WFDC10B: variants seen among roughly 807,000 people sequenced by gnomAD.
WFDC10B encodes protein WFDC10B.
In WFDC10B, 1 loss-of-function variant was observed where a neutral mutation model predicts 2.7. The ratio of observed to expected loss-of-function variants is 0.38; its 90% CI spans 0.13 to 1.79. The LOEUF is 1.79. Among genes scored for constraint, WFDC10B ranks in the 40% most tolerant of loss-of-function variants. The pLI, the probability that WFDC10B is intolerant of heterozygous loss-of-function variation, is 0.33. For missense variants in WFDC10B, 71 were observed against 87.8 expected (o/e 0.81, Z 0.76); for synonymous variants, 26 against 32.2 (o/e 0.81, Z 0.65).
chr20:45,694,074 T>G (rs561633246), intron 2 of WFDC10B, among the ~76,000 whole-genome samples: 100 of 152,376 alleles, frequency 6.6e-4, no homozygotes, highest in Non-Finnish European at 1.3e-3. Flanking sequence ...TCTCCCATTT[T>G]GTAGGTTGTC....
At chr20:45,686,347 A>C (rs887666538) in intron 2 of WFDC10B, among the ~76,000 whole-genome samples, 6 of 152,240 alleles carry the variant, frequency 3.9e-5, no homozygotes, top group Admixed American at 1.3e-4. Flanking sequence ...ATAATTTTTT[A>C]AAAGGTGCTT....
chr20:45,703,082 G>A (rs1984231918), intron 2 of WFDC10B, among the ~76,000 whole-genome samples: 1 of 152,172 alleles, frequency 6.6e-6, no homozygotes, highest in African/African-American at 2.4e-5. Flanking sequence ...TTTGAGGAAA[G>A]GCACAAAGAG....
Position 45,684,929 on chromosome 20 carries a change from T to A in WFDC10B, c.123A>T (p.Ile41=). The change falls in exon 4 of 4, where the codon ATA becomes ATT. Residue 41 remains isoleucine, a synonymous_variant. Coordinates refer to ENST00000330523, the MANE Select transcript of WFDC10B (RefSeq NM_172006.2). ...RIKVCEKRPS[I]DLCIHHCSYF... ...ATGAACAGTGGTGGATGCATAGATC[T>A]ATGCTGGGTCGCTTCTCACAGACCT... 1 of 1,613,986 alleles carries A rather than the reference T, an allele frequency of 6.2e-7. No homozygotes were observed. The highest frequency in any genetic ancestry group is 8.5e-7 in the Non-Finnish European group (1 of 1,179,940).
At chr20:45,690,707 G>T (rs1983784842) in intron 2 of WFDC10B, among the ~76,000 whole-genome samples, 1 of 151,708 alleles carries the variant, frequency 6.6e-6, no homozygotes, top group Non-Finnish European at 1.5e-5. Flanking sequence ...ATTTTTTATT[G>T]CATCTATTTG....
At chr20:45,692,394 T>C (rs1983843019) in intron 2 of WFDC10B, among the ~76,000 whole-genome samples, 1 of 152,088 alleles carries the variant, frequency 6.6e-6, no homozygotes, top group Non-Finnish European at 1.5e-5. Flanking sequence ...CCTTGCTAGA[T>C]TGGGGAAGTT....
chr20:45,701,881 A>C, intron 2 of WFDC10B: 1 of 473,016 alleles, frequency 2.1e-6, no homozygotes, highest in Non-Finnish European at 3.8e-6. Context: ...TACAGATGAA[A>C]GAGATAGCAA....
chr20:45,694,606 T>G lies in WFDC10B; in HGVS notation c.-64-8550A>C, dbSNP rs555976664. Among the ~76,000 whole-genome samples the G allele has an allele frequency of 1.2e-3, 185 of 152,294 alleles. 6 individuals carry two copies. Among genetic ancestry groups the G allele is most frequent in the Admixed American group, 0.012 (184 of 15,296 alleles). ...GAGAGTTCAATATCCCACCATGGCA[T>G]CATAAGAAATATATTTGGTCTTTGT... is the stretch of plus-strand genomic sequence containing the variant. On this transcript the variant is annotated intron_variant, in intron 2 of 3. Coordinates refer to ENST00000330523, the MANE Select transcript of WFDC10B (RefSeq NM_172006.2).
At chr20:45,687,602 G>A (rs1294949817) in intron 2 of WFDC10B, among the ~76,000 whole-genome samples, 1 of 152,098 alleles carries the variant, frequency 6.6e-6, no homozygotes, top group Non-Finnish European at 1.5e-5. Flanking sequence ...CTTCCACAAT[G>A]GTTGAACTAA....
rs755982722 is a variant in WFDC10B at position 45,704,484 on chromosome 20, A to G, written c.-65+13T>C. 1 of 1,614,136 alleles carries G rather than the reference A, an allele frequency of 6.2e-7. No homozygotes were observed. Among genetic ancestry groups the G allele is most frequent in the East Asian group, 2.2e-5 (1 of 44,872 alleles). ...CTCCACCCTGCATATCAGCACCTGAAAACTGTACTCACCTGTGTACAATGC... is the reference window on the plus strand; with the variant it reads ...CTCCACCCTGCATATCAGCACCTGAGAACTGTACTCACCTGTGTACAATGC... On this transcript the variant is annotated intron_variant, in intron 2 of 3. Transcript: ENST00000330523.
intron 2 of WFDC10B, among the ~76,000 whole-genome samples, chr20:45,698,428 C>T (rs1231385082): frequency 6.6e-6 from 1 of 151,852 alleles, no homozygotes; most frequent in African/African-American, 2.4e-5. Flanking sequence ...AAAAAAAAAT[C>T]GGACTTCATC....
chr20:45,698,217 C>A (rs1984037664), intron 2 of WFDC10B, among the ~76,000 whole-genome samples: 1 of 152,196 alleles, frequency 6.6e-6, no homozygotes, highest in African/African-American at 2.4e-5. Context: ...TTTTTCCCAG[C>A]AAGGCTGAAC....
chr20:45,688,387 C>T (rs1001916107), intron 2 of WFDC10B, among the ~76,000 whole-genome samples: 22 of 152,200 alleles, frequency 1.4e-4, no homozygotes, highest in Admixed American at 5.9e-4. Flanking sequence ...TGGGTGTATA[C>T]CCAGTAATGG....
Position 45,686,039 on chromosome 20 carries a change from A to G in WFDC10B, c.-47T>C. 6.2e-7 allele frequency: 1 copy of G among 1,601,814 alleles called. No homozygotes were observed. Among genetic ancestry groups the G allele is most frequent in the Non-Finnish European group, 8.5e-7 (1 of 1,173,880 alleles). ...CCTAAGTCTGGCCAGGCAGTCACAG[A>G]CTTCCCTGCAGAGCTGCCTGTGGAG... On this transcript the variant is annotated 5_prime_UTR_variant, in exon 3 of 4. Coordinates refer to ENST00000330523, the MANE Select transcript of WFDC10B (RefSeq NM_172006.2).
Position 45,684,754 on chromosome 20 carries a change from T to G in WFDC10B, c.*76A>C. 1 of 1,566,904 alleles carries G rather than the reference T, an allele frequency of 6.4e-7. No individual in the cohort carries two copies. The highest frequency in any genetic ancestry group is 1.2e-5 in the South Asian group (1 of 83,906). On this transcript the variant is annotated 3_prime_UTR_variant, in exon 4 of 4. Coordinates refer to ENST00000330523, the MANE Select transcript of WFDC10B (RefSeq NM_172006.2). The stretch of plus-strand genomic sequence containing the variant: ...TCTTGTGCTGATGATTTGATGTCCT[T>G]GTGCTTCGGATGTGGGCACAGTCTC...
intron 2 of WFDC10B, among the ~76,000 whole-genome samples, chr20:45,691,690 G>A (rs1983818232): frequency 1.3e-5 from 2 of 151,876 alleles, no homozygotes; most frequent in Admixed American, 1.3e-4. Context: ...CATTTGCTTG[G>A]TAGATCTTCC....
At chr20:45,697,659 T>C (rs6104293) in intron 2 of WFDC10B, among the ~76,000 whole-genome samples, 28,775 of 151,662 alleles carry the variant, frequency 0.19, 2,982 homozygotes, top group East Asian at 0.32. Context: ...GCTGACATCC[T>C]ATATTCTATA....
intron 2 of WFDC10B, among the ~76,000 whole-genome samples, chr20:45,694,718 C>T (rs541388162): frequency 9.8e-5 from 15 of 152,292 alleles, no homozygotes; most frequent in African/African-American, 3.1e-4. Flanking sequence ...AAGCCCCTTT[C>T]GATTCCACCT....
intron 2 of WFDC10B, among the ~76,000 whole-genome samples, chr20:45,693,158 G>A (rs937644914): frequency 1.3e-5 from 2 of 152,288 alleles, no homozygotes; most frequent in East Asian, 1.9e-4. Context: ...CGTGAACCGC[G>A]AATGCTACTG....
chr20:45,695,079 C>T (rs983866232), intron 2 of WFDC10B, among the ~76,000 whole-genome samples: 1 of 152,116 alleles, frequency 6.6e-6, no homozygotes. Context: ...TAAAGTGTTT[C>T]CTGAGTTCTG....
Sources: gnomAD v4.1 joint callset for allele counts (sites outside exome capture counted in the v4.1 genomes callset) on GRCh38, gnomAD v4.1.1 for gene constraint, MANE v1.5 for transcripts, NCBI Gene and HGNC (gene_info 2026-07-23, HGNC 2026-07-21) for gene names.